The following SYNPO2 variants were observed in gnomAD, a reference collection of about 807,000 sequenced individuals.
SYNPO2 encodes synaptopodin 2.
A neutral mutation model predicts 85.0 loss-of-function variants in SYNPO2; 56 were observed. The observed-to-expected ratio is 0.66, with a 90% CI of 0.53 to 0.82. SYNPO2 has a LOEUF of 0.82. Among genes scored for constraint, SYNPO2 ranks in the 40% least tolerant of loss-of-function variants. The pLI, the probability that SYNPO2 is intolerant of heterozygous loss-of-function variation, is 0.00. For missense variants in SYNPO2, 1,575 were observed against 1,534.2 expected, an observed-to-expected ratio of 1.03 and a Z score of -0.44; for synonymous variants, 602 against 591.1, an observed-to-expected ratio of 1.02 and a Z score of -0.27.
At chr4:118,911,209 C>T (rs934143732) in intron 1 of SYNPO2, among the ~76,000 whole-genome samples, 1 of 152,024 alleles carries the variant, frequency 6.6e-6, no homozygotes, top group Non-Finnish European at 1.5e-5. Context: ...CTAATTGGTA[C>T]GAGGAGGAAA....
intron 1 of SYNPO2, among the ~76,000 whole-genome samples, chr4:118,871,556 C>G (rs1006322713): frequency 8.2e-5 from 12 of 147,072 alleles, no homozygotes; most frequent in African/African-American, 2.3e-4. Flanking sequence ...AGGACAATGC[C>G]TGAAATAAAT....
chr4:118,981,500 C>T (rs1409477839), intron 1 of SYNPO2, among the ~76,000 whole-genome samples: 3 of 152,164 alleles, frequency 2.0e-5, no homozygotes, highest in African/African-American at 7.2e-5. Flanking sequence ...AATTACTGAC[C>T]TCTCTTCTGA....
chr4:118,917,483 G>T (rs1420067358), intron 1 of SYNPO2, among the ~76,000 whole-genome samples: 1 of 152,088 alleles, frequency 6.6e-6, no homozygotes, highest in Non-Finnish European at 1.5e-5. Context: ...TAAATTCAGA[G>T]AATTCAACCA....
chr4:118,996,682 C>T (rs1736608293), intron 1 of SYNPO2, among the ~76,000 whole-genome samples: 1 of 151,010 alleles, frequency 6.6e-6, no homozygotes, highest in South Asian at 2.1e-4. Flanking sequence ...ATGGTGAAAC[C>T]CCATTTCTAT....
chr4:118,905,828 T>A (rs968319721), intron 1 of SYNPO2, among the ~76,000 whole-genome samples: 1 of 152,188 alleles, frequency 6.6e-6, no homozygotes, highest in East Asian at 1.9e-4. Flanking sequence ...GGAGCCACGG[T>A]GGCAAGGGAG....
intron 1 of SYNPO2, among the ~76,000 whole-genome samples, chr4:118,919,284 C>G (rs979537890): frequency 1.3e-5 from 2 of 152,052 alleles, no homozygotes; most frequent in Admixed American, 6.5e-5. Flanking sequence ...AAGCTTGTTT[C>G]CTTGTCAGTC....
intron 1 of SYNPO2, among the ~76,000 whole-genome samples, chr4:118,919,551 C>T (rs1192535281): frequency 2.0e-5 from 3 of 152,130 alleles, no homozygotes; most frequent in Non-Finnish European, 4.4e-5. Flanking sequence ...CTTCAAAAAG[C>T]TTACATATTA....
chr4:118,873,346 T>C (rs1326198211), intron 1 of SYNPO2, among the ~76,000 whole-genome samples: 2 of 152,152 alleles, frequency 1.3e-5, no homozygotes, highest in African/African-American at 4.8e-5. Context: ...TCCACATTTT[T>C]CCAATATCTG....
At chr4:118,883,983 G>A (rs1732157164), upstream of SYNPO2, among the ~76,000 whole-genome samples, 1 of 152,130 alleles carries the variant, frequency 6.6e-6, no homozygotes, top group Non-Finnish European at 1.5e-5. Context: ...ACATCAGCAT[G>A]TTTGCATCAG....
At chr4:118,879,386 A>G (rs1348757819) in intron 1 of SYNPO2, among the ~76,000 whole-genome samples, 3 of 152,124 alleles carry the variant, frequency 2.0e-5, no homozygotes, top group African/African-American at 4.8e-5. Context: ...CTAAATCCCC[A>G]GTGTATATTT....
Position 118,890,733 on chromosome 4 carries a change from C to CTCTGTGTG in SYNPO2, c.105+1593_105+1594insCTGTGTGT, listed in dbSNP as rs749295331. Among the ~76,000 whole-genome samples the CTCTGTGTG allele has an allele frequency of 2.0e-3, 256 of 126,200 alleles. 3 individuals are homozygous for CTCTGTGTG. The East Asian group carries it at 0.022, about 11-fold the overall frequency. 82.8% of individuals were successfully genotyped at this position (126,200 alleles called of 152,430 possible). A position where few individuals can be genotyped will look rare whatever the true frequency, so the allele number is the denominator to read the frequency against. On this transcript the variant is annotated intron_variant, in intron 1 of 4. Coordinates refer to ENST00000307142, the MANE Select transcript of SYNPO2 (RefSeq NM_133477.3). ...TCTCTCTCTCTCTCTCTCTCTCTCT[C>CTCTGTGTG]TGTGTGTGTGTGTGTGTGTGTGTAG...
At chr4:118,934,866 T>A (rs769922842) in intron 1 of SYNPO2, among the ~76,000 whole-genome samples, 4 of 152,224 alleles carry the variant, frequency 2.6e-5, no homozygotes, top group Non-Finnish European at 5.9e-5. Flanking sequence ...AAAGCCTGTC[T>A]TATATTGAAC....
chr4:118,959,494 T>A (rs1463990861), intron 1 of SYNPO2, among the ~76,000 whole-genome samples: 2 of 152,152 alleles, frequency 1.3e-5, no homozygotes, highest in Non-Finnish European at 2.9e-5. Context: ...TACCCGTGGG[T>A]TTTTCCAATC....
At chr4:119,001,989 C>T (rs1265399377) in intron 1 of SYNPO2, among the ~76,000 whole-genome samples, 1 of 152,152 alleles carries the variant, frequency 6.6e-6, no homozygotes, top group Non-Finnish European at 1.5e-5. Flanking sequence ...GTCCCTACTT[C>T]AAGCTCATAT....
chr4:118,955,523 G>A (rs1560907011), intron 1 of SYNPO2, among the ~76,000 whole-genome samples: 1 of 152,122 alleles, frequency 6.6e-6, no homozygotes, highest in Non-Finnish European at 1.5e-5. Context: ...TTCTTAGGAA[G>A]AAAACTATTG....
intron 2 of SYNPO2, among the ~76,000 whole-genome samples, chr4:119,026,051 AG>A (rs1737924516): frequency 6.6e-6 from 1 of 152,224 alleles, no homozygotes; most frequent in Non-Finnish European, 1.5e-5. Context: ...CAGCACGGAA[AG>A]GATTTCTCTT....
At chr4:118,879,016 C>G (rs748037470) in intron 1 of SYNPO2, among the ~76,000 whole-genome samples, 1 of 152,126 alleles carries the variant, frequency 6.6e-6, no homozygotes, top group Non-Finnish European at 1.5e-5. Context: ...AGACCATGAA[C>G]CCACAGGGAG....
At position 119,057,974 on chromosome 4, in the gene SYNPO2, A is replaced by T. The variant is rs769699102; in HGVS notation, c.*40A>T. 6.1e-4 allele frequency: 700 copies of T among 1,156,454 alleles called. 4 individuals are homozygous for T. Among genetic ancestry groups the T allele is most frequent in the Middle Eastern group, 2.2e-3 (7 of 3,178 alleles). The allele number at this position is 1,156,454 out of a possible 1,614,324, so 71.6% of individuals were successfully genotyped here. A position where few individuals can be genotyped will look rare whatever the true frequency, so the allele number is the denominator to read the frequency against. ...GATCATGTGCCAACTGTAGTTTTTT[A>T]AAAAAAACGCTCCTTTGTAGGGTTT... On this transcript the variant is annotated 3_prime_UTR_variant, in exon 5 of 5. Transcript: ENST00000307142.
At chr4:119,006,532 TG>T (rs961741142) in intron 1 of SYNPO2, 4 of 152,222 alleles carry the variant, frequency 2.6e-5, no homozygotes, top group African/African-American at 7.2e-5. Context: ...GAATGCATTT[TG>T]GGAACAAAAA....
Sources: gnomAD v4.1 joint callset for allele counts (sites outside exome capture counted in the v4.1 genomes callset) on GRCh38, gnomAD v4.1.1 for gene constraint, MANE v1.5 for transcripts, NCBI Gene and HGNC (gene_info 2026-07-23, HGNC 2026-07-21) for gene names.